The following CSMD2 variants were observed in gnomAD, a reference collection of about 807,000 sequenced individuals.
CSMD2 encodes CUB and Sushi multiple domains 2, also known as CUB and sushi domain-containing protein 2.
A neutral mutation model predicts 398.5 loss-of-function variants in CSMD2; 130 were observed. That is an observed-to-expected ratio of 0.33 (90% confidence interval 0.28 to 0.38). The LOEUF is 0.38. Among genes scored for constraint, CSMD2 ranks in the 10% least tolerant of loss-of-function variants. The pLI is 1.00. For synonymous variants in CSMD2, 1,828 were observed against 1,908.5 expected (o/e 0.96, Z 1.10); for missense variants, 3,829 against 4,764.9 (o/e 0.80, Z 5.78).
chr1:33,693,887 A>C (rs1185045896), intron 24 of CSMD2, among the ~76,000 whole-genome samples: 2 of 152,054 alleles, frequency 1.3e-5, no homozygotes, highest in Admixed American at 1.3e-4. Context: ...GAGAAACCCC[A>C]TCTCTACTAA....
intron 2 of CSMD2, among the ~76,000 whole-genome samples, chr1:34,047,799 AGAG>A (rs1362686096): frequency 2.0e-5 from 3 of 152,188 alleles, no homozygotes; most frequent in Admixed American, 2.0e-4. Context: ...GTCATCTCAA[AGAG>A]GATGGCACAA....
At chr1:33,878,925 G>A (rs1641039878) in intron 5 of CSMD2, among the ~76,000 whole-genome samples, 2 of 152,204 alleles carry the variant, frequency 1.3e-5, no homozygotes, top group South Asian at 4.1e-4. Context: ...TGAATCCATA[G>A]GACTGAATCA....
At chr1:33,900,544 T>C (rs936607256) in intron 5 of CSMD2, among the ~76,000 whole-genome samples, 11 of 152,134 alleles carry the variant, frequency 7.2e-5, no homozygotes, top group African/African-American at 2.2e-4. Flanking sequence ...TGGGAGGCCA[T>C]GGTAGGTGGA....
At chr1:33,732,859 C>A (rs970874923) in intron 15 of CSMD2, among the ~76,000 whole-genome samples, 1 of 152,208 alleles carries the variant, frequency 6.6e-6, no homozygotes, top group Non-Finnish European at 1.5e-5. Flanking sequence ...AGGCTCTGAC[C>A]TTCATGTATG....
chr1:34,010,135 C>G (rs1484077203), intron 3 of CSMD2, among the ~76,000 whole-genome samples: 1 of 152,136 alleles, frequency 6.6e-6, no homozygotes, highest in Non-Finnish European at 1.5e-5. Flanking sequence ...TGATACTATT[C>G]CCAGAGACTG....
chr1:33,519,766 A>C lies in CSMD2; in HGVS notation c.10736+46T>G. ...GGTGCGGGGGGCCCTGGAGGGAGAG[A>C]GGGAGGCCTGCCTGATGCCCGCCCT... On this transcript the variant is annotated intron_variant, in intron 69 of 70. Transcript: ENST00000373381. The surrounding 1 kb of genome is among the most constrained non-coding windows in gnomAD (Gnocchi z 5.6). 1.2e-6 allele frequency: 2 copies of C among 1,612,504 alleles called. No homozygotes were observed. Among genetic ancestry groups the C allele is most frequent in the Non-Finnish European group, 8.5e-7 (1 of 1,178,830 alleles).
intron 7 of CSMD2, among the ~76,000 whole-genome samples, chr1:33,823,714 T>G (rs1570127867): frequency 6.6e-6 from 1 of 152,206 alleles, no homozygotes; most frequent in Admixed American, 6.5e-5. Flanking sequence ...CCTGAAGACA[T>G]GTGGCTACCT....
chr1:33,707,737 AC>A, intron 22 of CSMD2, among the ~76,000 whole-genome samples: 1 of 147,894 alleles, frequency 6.8e-6, no homozygotes, highest in Admixed American at 6.7e-5. Flanking sequence ...ACACACACAC[AC>A]ACACACCATA....
chr1:34,056,895 T>C (rs1052588912), intron 2 of CSMD2, among the ~76,000 whole-genome samples: 6 of 152,158 alleles, frequency 3.9e-5, no homozygotes, highest in Non-Finnish European at 7.3e-5. Context: ...TGGGAGTCAA[T>C]TGAGCTAAAT....
chr1:33,559,360 C>A lies in CSMD2; in HGVS notation c.8494G>T (p.Ala2832Ser). The change falls in exon 54 of 71, where the codon GCT becomes TCT. Residue 2832 changes from alanine to serine, a missense_variant. This residue lies in a region of CSMD2 where 917 missense variants were observed against 1,199.5 expected (regional missense o/e 0.76). Coordinates refer to ENST00000373381, the MANE Select transcript of CSMD2 (RefSeq NM_001281956.2). The surrounding 1 kb of genome is among the most constrained non-coding windows in gnomAD (Gnocchi z 4.0). ...VCNPGYMAEG[A>S]ARSQCLASGQ... ...CTGGCCAGGCATTGGGACCTAGCAG[C>A]CCCCTCAGCCATATACCCAGGGTTG... is the stretch of plus-strand genomic sequence containing the variant. The A allele has an allele frequency of 6.5e-7, 1 of 1,536,012 alleles. No homozygotes were observed. Among genetic ancestry groups the A allele is most frequent in the Non-Finnish European group, 8.7e-7 (1 of 1,146,886 alleles).
chr1:33,579,901 A>G (rs1379288083), intron 48 of CSMD2, among the ~76,000 whole-genome samples: 1 of 151,020 alleles, frequency 6.6e-6, no homozygotes, highest in Non-Finnish European at 1.5e-5. Flanking sequence ...CTGGTCTCAA[A>G]CTCCTGACCT....
At chr1:33,742,922 G>C (rs1278520861) in intron 14 of CSMD2, among the ~76,000 whole-genome samples, 1 of 152,208 alleles carries the variant, frequency 6.6e-6, no homozygotes, top group Admixed American at 6.5e-5. Context: ...AGAAACCAAT[G>C]AGAATGATAG....
chr1:33,790,045 T>C (rs140496166), intron 11 of CSMD2, among the ~76,000 whole-genome samples: 1 of 152,282 alleles, frequency 6.6e-6, no homozygotes, highest in Non-Finnish European at 1.5e-5. Context: ...TCTAAGGTTC[T>C]CTCTATGTCA....
intron 1 of CSMD2, among the ~76,000 whole-genome samples, chr1:34,129,162 G>A (rs1305024470): frequency 6.6e-6 from 1 of 152,142 alleles, no homozygotes; most frequent in Non-Finnish European, 1.5e-5. Context: ...GTGCCCTTCT[G>A]GAAGAATCTG....
chr1:33,759,305 GTTTCT>G (rs1363843798), intron 13 of CSMD2, among the ~76,000 whole-genome samples: 1 of 141,676 alleles, frequency 7.1e-6, no homozygotes, highest in Non-Finnish European at 1.5e-5. Context: ...CAGAGCTTGA[GTTTCT>G]TTTCTTTTTT....
chr1:33,953,897 T>C (rs1241874515), intron 3 of CSMD2, among the ~76,000 whole-genome samples: 1 of 152,116 alleles, frequency 6.6e-6, no homozygotes. Context: ...TGGATAAGGG[T>C]ACAAGCCCAG....
intron 13 of CSMD2, among the ~76,000 whole-genome samples, chr1:33,761,876 C>A (rs571017026): frequency 6.6e-6 from 1 of 152,156 alleles, no homozygotes; most frequent in East Asian, 1.9e-4. Flanking sequence ...GAGCTCCCTG[C>A]AAGACCATGG....
At chr1:34,125,529 G>C (rs1662650055) in intron 1 of CSMD2, among the ~76,000 whole-genome samples, 1 of 151,810 alleles carries the variant, frequency 6.6e-6, no homozygotes, top group Non-Finnish European at 1.5e-5. Context: ...GTGTGTGTGT[G>C]TGTGTGTGTG....
At chr1:33,649,662 A>AAACAAT (rs1276924667) in intron 28 of CSMD2, among the ~76,000 whole-genome samples, 1 of 152,148 alleles carries the variant, frequency 6.6e-6, no homozygotes, top group Non-Finnish European at 1.5e-5. Context: ...AACAAAACAA[A>AAACAAT]AACAATATAA....
Sources: gnomAD v4.1 joint callset for allele counts (sites outside exome capture counted in the v4.1 genomes callset) on GRCh38, gnomAD v4.1.1 for gene constraint, gnomAD v4.1.1 regional missense constraint, Gnocchi (gnomAD v3.1) non-coding constraint, MANE v1.5 for transcripts, NCBI Gene and HGNC (gene_info 2026-07-23, HGNC 2026-07-21) for gene names.